The following PTPRD variants were observed in gnomAD, a reference collection of about 807,000 sequenced individuals.
PTPRD encodes protein tyrosine phosphatase receptor type D.
Under a neutral mutation model 214.5 loss-of-function variants are expected in PTPRD, and 34 were observed. That is an observed-to-expected ratio of 0.16 (90% CI 0.12 to 0.21). The LOEUF is 0.21. Among genes scored for constraint, PTPRD ranks in the 10% least tolerant of loss-of-function variants. PTPRD has a pLI of 1.00. For synonymous variants in PTPRD, 1,128 were observed against 845.7 expected (o/e 1.33, Z -5.79); for missense variants, 2,545 against 2,398.7 (o/e 1.06, Z -1.27).
intron 4 of PTPRD, among the ~76,000 whole-genome samples, chr9:10,028,648 G>T (rs960432580): frequency 6.6e-6 from 1 of 152,140 alleles, no homozygotes; most frequent in African/African-American, 2.4e-5. Flanking sequence ...TTTTGTCCAT[G>T]CCCTAGATAT....
chr9:10,038,883 C>A (rs923398556), intron 3 of PTPRD, among the ~76,000 whole-genome samples: 1 of 152,060 alleles, frequency 6.6e-6, no homozygotes, highest in African/African-American at 2.4e-5. Flanking sequence ...ATTTCTCTCC[C>A]AGATTGTTTT....
chr9:9,194,735 A>G (rs914118001), intron 9 of PTPRD, among the ~76,000 whole-genome samples: 6 of 152,110 alleles, frequency 3.9e-5, no homozygotes, highest in Non-Finnish European at 7.4e-5. Context: ...ATCCTGAGCG[A>G]TAGTGGGAAA....
chr9:10,027,163 A>C (rs16930844), intron 4 of PTPRD, among the ~76,000 whole-genome samples: 4,674 of 152,326 alleles, frequency 0.031, 262 homozygotes, highest in African/African-American at 0.1. Flanking sequence ...TCTGCTATAA[A>C]TAAATAGAAA....
chr9:9,683,634 A>T (rs891101539), intron 7 of PTPRD, among the ~76,000 whole-genome samples: 1 of 151,750 alleles, frequency 6.6e-6, no homozygotes, highest in Non-Finnish European at 1.5e-5. Flanking sequence ...ACTCTGAAGT[A>T]ATAAGATTTA....
intron 11 of PTPRD, among the ~76,000 whole-genome samples, chr9:8,828,745 G>A (rs994414562): frequency 2.6e-5 from 4 of 152,098 alleles, no homozygotes; most frequent in African/African-American, 4.8e-5. Context: ...AAATTGTTAA[G>A]TCCATGTTTT....
At chr9:8,537,862 T>A (rs1463765669) in intron 14 of PTPRD, among the ~76,000 whole-genome samples, 1 of 152,042 alleles carries the variant, frequency 6.6e-6, no homozygotes, top group Non-Finnish European at 1.5e-5. Flanking sequence ...CCAGTTAGAT[T>A]TAATTATCAT....
chr9:8,496,198 ACACACACACACAAAC>A (rs2097264134), intron 26 of PTPRD, among the ~76,000 whole-genome samples: 4 of 146,824 alleles, frequency 2.7e-5, no homozygotes, highest in Non-Finnish European at 6.0e-5. Context: ...ACACACACAC[ACACACACACACAAAC>A]ACACACACAC....
chr9:9,488,167 C>T (rs186842566), intron 8 of PTPRD, among the ~76,000 whole-genome samples: 1 of 152,194 alleles, frequency 6.6e-6, no homozygotes, highest in Admixed American at 6.5e-5. Context: ...CTCCCAGTGT[C>T]AAGATGAATA....
intron 10 of PTPRD, among the ~76,000 whole-genome samples, chr9:9,023,454 G>A (rs1436012064): frequency 6.6e-6 from 1 of 151,880 alleles, no homozygotes; most frequent in South Asian, 2.1e-4. Flanking sequence ...GCTCTTTGTG[G>A]ATTACTTGGA....
intron 10 of PTPRD, among the ~76,000 whole-genome samples, chr9:9,162,601 C>A (rs77236296): frequency 6.6e-6 from 1 of 152,012 alleles, no homozygotes; most frequent in African/African-American, 2.4e-5. Context: ...CACCCTCCAC[C>A]TGCTTGCATC....
intron 8 of PTPRD, chr9:9,442,525 C>G (rs1588541635): frequency 1.3e-5 from 2 of 152,266 alleles, no homozygotes; most frequent in South Asian, 2.1e-4. Context: ...TAGATAAACT[C>G]CACTAAATGG....
intron 10 of PTPRD, among the ~76,000 whole-genome samples, chr9:9,166,427 T>C (rs1367457238): frequency 6.6e-6 from 1 of 152,098 alleles, no homozygotes; most frequent in East Asian, 1.9e-4. Flanking sequence ...GCCTCTACTT[T>C]CTGTTAAGGT....
chr9:9,498,116 C>A (rs892516313), intron 8 of PTPRD, among the ~76,000 whole-genome samples: 4 of 152,134 alleles, frequency 2.6e-5, no homozygotes, highest in Admixed American at 2.6e-4. Flanking sequence ...AGAGAAGTTT[C>A]CTCTCCTAGC....
At chr9:9,232,057 T>C (rs1242707213) in intron 9 of PTPRD, among the ~76,000 whole-genome samples, 1 of 152,200 alleles carries the variant, frequency 6.6e-6, no homozygotes, top group Non-Finnish European at 1.5e-5. Flanking sequence ...GTACTATCCC[T>C]ACAGTGTCAC....
At chr9:10,408,449 A>G (rs952780623) in intron 2 of PTPRD, among the ~76,000 whole-genome samples, 2 of 151,694 alleles carry the variant, frequency 1.3e-5, no homozygotes, top group Non-Finnish European at 2.9e-5. Context: ...AAGATGGTGC[A>G]ATGGAATCTC....
chr9:10,454,476 G>C (rs774541407), intron 2 of PTPRD, among the ~76,000 whole-genome samples: 1 of 151,646 alleles, frequency 6.6e-6, no homozygotes, highest in Non-Finnish European at 1.5e-5. Flanking sequence ...TCTGTAGCAA[G>C]ACATACTGTT....
intron 5 of PTPRD, among the ~76,000 whole-genome samples, chr9:9,784,038 G>T (rs908734835): frequency 6.6e-6 from 1 of 151,980 alleles, no homozygotes; most frequent in African/African-American, 2.4e-5. Flanking sequence ...CACAAAACAT[G>T]AAAATGTAAT....
At chr9:9,103,441 CA>C (rs1403328660) in intron 10 of PTPRD, among the ~76,000 whole-genome samples, 2 of 151,672 alleles carry the variant, frequency 1.3e-5, no homozygotes, top group Non-Finnish European at 2.9e-5. Context: ...TGGAGTAAAA[CA>C]AAATGTGGAA....
intron 4 of PTPRD, among the ~76,000 whole-genome samples, chr9:9,977,631 A>G (rs1290295724): frequency 6.6e-6 from 1 of 152,174 alleles, no homozygotes; most frequent in Non-Finnish European, 1.5e-5. Context: ...CGCAATAAAA[A>G]TTGCCATGAG....
Sources: gnomAD v4.1 joint callset for allele counts (sites outside exome capture counted in the v4.1 genomes callset) on GRCh38, gnomAD v4.1.1 for gene constraint, MANE v1.5 for transcripts, NCBI Gene and HGNC (gene_info 2026-07-23, HGNC 2026-07-21) for gene names.